The following CLVS1 variants were observed in gnomAD, a reference collection of about 807,000 sequenced individuals.
CLVS1 encodes clavesin-1.
In CLVS1, 10 loss-of-function variants were observed where a neutral mutation model predicts 33.1. The ratio of observed to expected loss-of-function variants is 0.30; its 90% CI spans 0.19 to 0.51. CLVS1 has a LOEUF of 0.51. Among genes scored for constraint, CLVS1 ranks in the 20% least tolerant of loss-of-function variants. The probability of loss-of-function intolerance (pLI) is 0.97; values close to 1 mark genes in which losing one functional copy is unlikely to be tolerated. For missense variants in CLVS1, 343 were observed against 433.4 expected (o/e 0.79, Z 1.85); for synonymous variants, 163 against 166.1 (o/e 0.98, Z 0.14).
At chr8:60,969,664 A>G in the CLVS1 span, among the ~76,000 whole-genome samples, 2 of 152,082 alleles carry the variant, frequency 1.3e-5, no homozygotes, top group Admixed American at 1.3e-4. Flanking sequence ...TTTTATTTTT[A>G]GTTCTTATTG....
intron 2 of CLVS1, among the ~76,000 whole-genome samples, chr8:61,350,785 C>A (rs79326694): frequency 2.6e-5 from 4 of 152,056 alleles, no homozygotes; most frequent in Admixed American, 2.0e-4. Flanking sequence ...GTCACCCGCA[C>A]GGCAGCAGCA....
intron 2 of CLVS1, among the ~76,000 whole-genome samples, chr8:61,250,990 G>A (rs867225405): frequency 1.3e-5 from 2 of 152,166 alleles, no homozygotes; most frequent in Non-Finnish European, 2.9e-5. Flanking sequence ...CTTGTCTTGT[G>A]CCAGTTTTCA....
chr8:61,350,840 G>C (rs772051843), intron 2 of CLVS1, among the ~76,000 whole-genome samples: 25 of 152,092 alleles, frequency 1.6e-4, no homozygotes, highest in Non-Finnish European at 3.5e-4. Flanking sequence ...GATGGCTTCT[G>C]CACCTCTCTC....
chr8:61,181,027 A>G (rs917630823), intron 2 of CLVS1, among the ~76,000 whole-genome samples: 8 of 152,210 alleles, frequency 5.3e-5, no homozygotes, highest in Admixed American at 5.2e-4. Flanking sequence ...GTATTTGAAT[A>G]GGAAGAGAGG....
intron 1 of CLVS1, among the ~76,000 whole-genome samples, chr8:61,057,840 C>T (rs914356426): frequency 6.6e-6 from 1 of 152,168 alleles, no homozygotes; most frequent in Non-Finnish European, 1.5e-5. Flanking sequence ...TATATTTCAG[C>T]CTTTCACCTA....
At chr8:61,281,179 T>C (rs1375828822) in intron 2 of CLVS1, among the ~76,000 whole-genome samples, 1 of 152,226 alleles carries the variant, frequency 6.6e-6, no homozygotes, top group Non-Finnish European at 1.5e-5. Flanking sequence ...AAATGAGATA[T>C]ATTGAAAGTC....
At chr8:60,990,153 G>T in the CLVS1 span, among the ~76,000 whole-genome samples, 7 of 115,218 alleles carry the variant, frequency 6.1e-5, no homozygotes, top group Admixed American at 6.4e-4. Flanking sequence ...AAAAAAAAAA[G>T]CAGGAGGAGG....
At chr8:61,077,845 G>A (rs1246129423) in intron 1 of CLVS1, among the ~76,000 whole-genome samples, 1 of 152,216 alleles carries the variant, frequency 6.6e-6, no homozygotes, top group Non-Finnish European at 1.5e-5. Flanking sequence ...CCATCTGCGA[G>A]GATTTTGGTG....
At chr8:61,219,698 G>C (rs1051050331) in intron 2 of CLVS1, among the ~76,000 whole-genome samples, 1 of 152,102 alleles carries the variant, frequency 6.6e-6, no homozygotes, top group Non-Finnish European at 1.5e-5. Flanking sequence ...GATATTTCTG[G>C]TTCTAGATCC....
intron 2 of CLVS1, among the ~76,000 whole-genome samples, chr8:61,158,878 G>T (rs954880132): frequency 6.6e-6 from 1 of 151,764 alleles, no homozygotes; most frequent in Non-Finnish European, 1.5e-5. Context: ...TTGCTGTATT[G>T]CCAGGTTGCA....
intron 3 of CLVS1, among the ~76,000 whole-genome samples, chr8:61,394,204 A>T (rs1400675079): frequency 6.6e-6 from 1 of 152,188 alleles, no homozygotes; most frequent in Non-Finnish European, 1.5e-5. Flanking sequence ...ATGCAATGGA[A>T]TGCAGGCGGT....
At chr8:61,300,557 C>G in intron 2 of CLVS1, 5 of 327,366 alleles carry the variant, frequency 1.5e-5, no homozygotes, top group Non-Finnish European at 5.6e-6. Flanking sequence ...AGTGGATCTT[C>G]TAGAAGAACC....
the CLVS1 span, among the ~76,000 whole-genome samples, chr8:61,010,207 G>A: frequency 6.6e-6 from 1 of 152,158 alleles, no homozygotes; most frequent in Admixed American, 6.5e-5. Context: ...CCCTTGGTAG[G>A]TTGGCCTTCT....
rs181397418 is a variant in CLVS1 at position 61,395,757 on chromosome 8, A to G, written c.630+18978A>G. On this transcript the variant is annotated intron_variant, in intron 3 of 5. Transcript: ENST00000325897. The stretch of plus-strand genomic sequence containing the variant: ...GGCCAGGGACTACTCTTTTACACTC[A>G]CTGTTTTAGAGCACCTTCTTATACA... 2.3e-3 allele frequency among the ~76,000 whole-genome samples: 346 copies of G among 152,104 alleles called. 2 individuals carry two copies. The highest frequency in any genetic ancestry group is 7.7e-3 in the African/African-American group (318 of 41,508).
chr8:61,381,882 T>C (rs187918644), intron 3 of CLVS1, among the ~76,000 whole-genome samples: 51 of 152,328 alleles, frequency 3.3e-4, no homozygotes, highest in African/African-American at 1.1e-3. Context: ...GCTATTGTGA[T>C]AGGGCTGTGA....
At chr8:61,337,486 A>G (rs577719350) in intron 2 of CLVS1, among the ~76,000 whole-genome samples, 10 of 152,198 alleles carry the variant, frequency 6.6e-5, no homozygotes, top group African/African-American at 2.4e-4. Flanking sequence ...CAGCAGCTGA[A>G]TGGCTTGCTT....
intron 5 of CLVS1, among the ~76,000 whole-genome samples, chr8:61,468,735 A>AAAAAAAAAAAAAAAAAG (rs1217287345): frequency 3.6e-5 from 5 of 138,740 alleles, no homozygotes; most frequent in African/African-American, 9.2e-5. Context: ...AAAAAAAAAA[A>AAAAAAAAAAAAAAAAAG]AAAAGGTAGT....
intron 2 of CLVS1, among the ~76,000 whole-genome samples, chr8:61,331,723 G>A (rs1024437036): frequency 3.3e-5 from 5 of 151,926 alleles, no homozygotes; most frequent in Admixed American, 6.6e-5. Context: ...CAGATGCAGT[G>A]TCTTCTATTA....
chr8:61,157,388 A>G (rs557030918), intron 2 of CLVS1, among the ~76,000 whole-genome samples: 9 of 152,338 alleles, frequency 5.9e-5, no homozygotes, highest in African/African-American at 2.2e-4. Context: ...ACAAGAATCA[A>G]CTGAAGATGA....
Sources: allele counts gnomAD v4.1 joint callset (sites outside exome capture counted in the v4.1 genomes callset), GRCh38; gene constraint gnomAD v4.1.1; transcripts MANE v1.5; gene names NCBI Gene and HGNC (gene_info 2026-07-23, HGNC 2026-07-21).